LRRC4C: variants seen among roughly 807,000 people sequenced by gnomAD.
LRRC4C encodes leucine-rich repeat-containing protein 4C.
In LRRC4C, 5 loss-of-function variants were observed where a neutral mutation model predicts 33.6. The ratio of observed to expected loss-of-function variants is 0.15; its 90% confidence interval spans 0.08 to 0.31. The LOEUF (loss-of-function observed/expected upper bound fraction) is 0.31. Among genes scored for constraint, LRRC4C ranks in the 10% least tolerant of loss-of-function variants. The pLI, the probability that LRRC4C is intolerant of heterozygous loss-of-function variation, is 1.00. For synonymous variants in LRRC4C, 329 were observed against 302.0 expected (o/e 1.09, Z -0.93); for missense variants, 560 against 796.7 (o/e 0.70, Z 3.58).
chr11:40,394,684 A>G (rs1949470329), intron 3 of LRRC4C, among the ~76,000 whole-genome samples: 1 of 152,180 alleles, frequency 6.6e-6, no homozygotes, highest in South Asian at 2.1e-4. Flanking sequence ...ACTTGTGAAC[A>G]GGCAATGCAG....
chr11:40,825,466 C>T (rs1452938800), intron 2 of LRRC4C, among the ~76,000 whole-genome samples: 1 of 151,924 alleles, frequency 6.6e-6, no homozygotes, highest in Non-Finnish European at 1.5e-5. Flanking sequence ...GACATCTAAA[C>T]TCAGTCCTTT....
intron 5 of LRRC4C, among the ~76,000 whole-genome samples, chr11:40,232,423 G>A (rs1865271710): frequency 6.6e-6 from 1 of 152,116 alleles, no homozygotes; most frequent in South Asian, 2.1e-4. Flanking sequence ...ATGCATCAAG[G>A]CGTATGAAAT....
At chr11:41,068,007 C>A (rs1036702970) in intron 1 of LRRC4C, among the ~76,000 whole-genome samples, 2 of 152,012 alleles carry the variant, frequency 1.3e-5, no homozygotes, top group Non-Finnish European at 2.9e-5. Flanking sequence ...ACTAAAGAAG[C>A]AAGAGCAAAC....
In LRRC4C at chr11:41,055,308, C is replaced by T. The variant is rs1345647531; in HGVS notation, c.-495-121585G>A. 5.3e-5 allele frequency among the ~76,000 whole-genome samples: 8 copies of T among 152,210 alleles called. No homozygotes were observed. The East Asian group carries it at 1.3e-3, about 26-fold the overall frequency. ...ATGCCATTGTTTAAATACAGCATAA[C>T]TTATTTATTTATTCTCCTTTTGAGT... is the stretch of plus-strand genomic sequence containing the variant. On this transcript the variant is annotated intron_variant, in intron 1 of 6. Transcript: ENST00000528697.
At chr11:40,919,309 C>T (rs537515741) in intron 2 of LRRC4C, among the ~76,000 whole-genome samples, 2 of 152,208 alleles carry the variant, frequency 1.3e-5, no homozygotes, top group Non-Finnish European at 2.9e-5. Context: ...CTTTTAAAGT[C>T]GTGCATGTAA....
At chr11:41,393,457 G>A (rs1953682397) in intron 1 of LRRC4C, among the ~76,000 whole-genome samples, 1 of 151,800 alleles carries the variant, frequency 6.6e-6, no homozygotes, top group Non-Finnish European at 1.5e-5. Context: ...TCTCAGTGAA[G>A]AAAGAAGTAA....
At position 40,770,263 on chromosome 11, in the gene LRRC4C, T is replaced by A. The variant is rs571104623; in HGVS notation, c.-406-121985A>T. ...GGAAGCAAACACATGCTTTTTCATA[T>A]GGTGGCAGGAGATAGGAGTGCAGAG... On this transcript the variant is annotated intron_variant, in intron 2 of 6. Coordinates refer to ENST00000528697, the MANE Select transcript of LRRC4C (RefSeq NM_001258419.2). Among the ~76,000 whole-genome samples the A allele has an allele frequency of 1.2e-4, 18 of 152,264 alleles. 2 individuals are homozygous for A. The South Asian group carries it at 3.7e-3, about 32-fold the overall frequency.
At chr11:40,959,376 C>G (rs751197648) in intron 1 of LRRC4C, among the ~76,000 whole-genome samples, 16 of 151,524 alleles carry the variant, frequency 1.1e-4, no homozygotes, top group Non-Finnish European at 1.9e-4. Context: ...TGGAACAATC[C>G]CTTTCCCCAA....
At chr11:41,022,540 C>T (rs1314160857) in intron 1 of LRRC4C, among the ~76,000 whole-genome samples, 1 of 151,690 alleles carries the variant, frequency 6.6e-6, no homozygotes, top group Non-Finnish European at 1.5e-5. Flanking sequence ...GTAAATTAGA[C>T]CTACATCAGG....
chr11:40,818,466 T>G (rs1951794521), intron 2 of LRRC4C, among the ~76,000 whole-genome samples: 1 of 152,252 alleles, frequency 6.6e-6, no homozygotes, highest in South Asian at 2.1e-4. Flanking sequence ...TTAGTTGAGC[T>G]TATTTTTTAA....
intron 4 of LRRC4C, among the ~76,000 whole-genome samples, chr11:40,307,544 T>C (rs1945100671): frequency 6.6e-6 from 1 of 152,232 alleles, no homozygotes; most frequent in South Asian, 2.1e-4. Flanking sequence ...CTAAATACTT[T>C]CAAATGTCAT....
At chr11:40,323,847 T>C (rs968827078) in intron 3 of LRRC4C, among the ~76,000 whole-genome samples, 3 of 152,136 alleles carry the variant, frequency 2.0e-5, no homozygotes, top group African/African-American at 7.2e-5. Context: ...TAAAACAATT[T>C]ATGAATTAGG....
chr11:40,114,759 T>C lies in LRRC4C; in HGVS notation c.1534A>G (p.Ile512Val). 6.2e-7 allele frequency: 1 copy of C among 1,614,198 alleles called. No individual in the cohort carries two copies. Among genetic ancestry groups the C allele is most frequent in the Non-Finnish European group, 8.5e-7 (1 of 1,180,028 alleles). Residue 512 changes from isoleucine to valine, a missense_variant, in exon 7 of 7, where the codon ATA (isoleucine) becomes GTA (valine). Around this residue, in one of 3 missense-constraint regions of LRRC4C, gnomAD observed 455 missense variants for 643.8 expected, o/e 0.71. Coordinates refer to ENST00000528697, the MANE Select transcript of LRRC4C (RefSeq NM_001258419.2). ...EKTFTIPVTD[I>V]NSGIPGIDEV... Reference sequence around the variant, plus strand: ...TCAATTCCTGGGATCCCACTGTTTATATCAGTCACTGGGATGGTGAAGGTT... The same window carrying C: ...TCAATTCCTGGGATCCCACTGTTTACATCAGTCACTGGGATGGTGAAGGTT...
At chr11:41,229,437 G>A (rs1353102227) in intron 1 of LRRC4C, among the ~76,000 whole-genome samples, 5 of 152,042 alleles carry the variant, frequency 3.3e-5, no homozygotes, top group African/African-American at 1.2e-4. Context: ...TAATACAGGA[G>A]CATTTCAGGA....
chr11:41,136,792 G>A (rs145677944), intron 1 of LRRC4C, among the ~76,000 whole-genome samples: 4 of 152,010 alleles, frequency 2.6e-5, no homozygotes, highest in Non-Finnish European at 4.4e-5. Context: ...CTCAGTTATC[G>A]AGCCCAAGAA....
At position 40,837,394 on chromosome 11, in the gene LRRC4C, G is replaced by A. The variant is rs138523653; in HGVS notation, c.-407+96241C>T. ...ACAATTTATGTTTAGGATAAATCAC[G>A]CTGGAGCCCCTTCTTCCATAGGTAC... is the stretch of plus-strand genomic sequence containing the variant. On this transcript the variant is annotated intron_variant, in intron 2 of 6. Transcript: ENST00000528697. Among the ~76,000 whole-genome samples, 570 of 152,138 alleles carry A rather than the reference G, an allele frequency of 3.7e-3. 3 individuals carry two copies. The highest frequency in any genetic ancestry group is 0.013 in the African/African-American group (543 of 41,520).
chr11:40,355,962 TAGTATAGTATAGTAC>T (rs199871895), intron 3 of LRRC4C, among the ~76,000 whole-genome samples: 37,851 of 137,526 alleles, frequency 0.28, 5,698 homozygotes, highest in Admixed American at 0.34. Flanking sequence ...TTGTATAGTA[TAGTATAGTATAGTAC>T]AGTATAGTAT....
intron 1 of LRRC4C, among the ~76,000 whole-genome samples, chr11:41,025,713 A>G (rs1273665546): frequency 6.6e-6 from 1 of 151,710 alleles, no homozygotes; most frequent in African/African-American, 2.4e-5. Flanking sequence ...AGGTGGCTAC[A>G]CCAAACAACA....
At chr11:40,539,433 CAG>C (rs1373049628) in intron 3 of LRRC4C, among the ~76,000 whole-genome samples, 1 of 152,098 alleles carries the variant, frequency 6.6e-6, no homozygotes, top group African/African-American at 2.4e-5. Context: ...TGTATATCTT[CAG>C]AGTCAAGCAT....
Sources: allele counts gnomAD v4.1 joint callset (sites outside exome capture counted in the v4.1 genomes callset), GRCh38; gene constraint gnomAD v4.1.1; regional missense constraint gnomAD v4.1.1; transcripts MANE v1.5; gene names NCBI Gene and HGNC (gene_info 2026-07-23, HGNC 2026-07-21).